Variants in SULT6B1 observed in about 807,000 individuals in gnomAD.
The protein encoded by SULT6B1 is sulfotransferase 6B1.
SULT6B1 carries 44 observed loss-of-function variants against 37.2 expected under a neutral mutation model. The ratio of observed to expected loss-of-function variants is 1.18; its 90% CI spans 0.93 to 1.52. SULT6B1 has a LOEUF of 1.52. Among genes scored for constraint, SULT6B1 ranks in the 40% most tolerant of loss-of-function variants. The pLI is 0.00. For synonymous variants in SULT6B1, 140 were observed against 126.0 expected, an observed-to-expected ratio of 1.11 and a Z score of -0.74; for missense variants, 450 against 361.0, an observed-to-expected ratio of 1.25 and a Z score of -2.00.
chr2:37,176,233 T>C, intron 4 of SULT6B1, among the ~76,000 whole-genome samples: 1 of 149,516 alleles, frequency 6.7e-6, no homozygotes, highest in East Asian at 2.0e-4. Flanking sequence ...CTAAAAACAG[T>C]GCCTGCTTCA....
intron 3 of SULT6B1, 139 bp from the exon 4 acceptor site, chr2:37,179,723 A>G (rs13401374): frequency 0.24 from 165,821 of 703,438 alleles, 25,400 homozygotes; most frequent in East Asian, 0.74. Flanking sequence ...ACAGTAGGAA[A>G]CTGAGGAACA....
chr2:37,170,563 G>T (rs1364496911), intron 6 of SULT6B1, among the ~76,000 whole-genome samples: 2 of 151,204 alleles, frequency 1.3e-5, no homozygotes, highest in African/African-American at 4.9e-5. Context: ...TGGGAGAGGA[G>T]TTTGAGACCA....
Position 37,179,586 on chromosome 2 carries a change from T to C in SULT6B1, c.403-2A>G, listed in dbSNP as rs762889089. The C allele has an allele frequency of 6.2e-7, 1 of 1,607,614 alleles. No individual in the cohort carries two copies. Among genetic ancestry groups the C allele is most frequent in the Non-Finnish European group, 8.5e-7 (1 of 1,178,822 alleles). On this transcript the variant is annotated splice_acceptor_variant, in intron 3 of 6. Coordinates refer to ENST00000535679, the MANE Select transcript of SULT6B1 (RefSeq NM_001367551.1). LOFTEE classifies it high-confidence loss of function. ...AGGGTTTCGAAATATCACCAATATC[T>C]AGGGAGCAAAAATTGAGTTAATTTA...
intron 6 of SULT6B1, 107 bp from the exon 7 acceptor site, chr2:37,168,172 T>C (rs773534977): frequency 3.5e-4 from 406 of 1,160,456 alleles, no homozygotes; most frequent in Non-Finnish European, 4.4e-4. Flanking sequence ...AATGGACACA[T>C]GGAAAAAAGC....
intron 2 of SULT6B1, 128 bp from the exon 3 acceptor site, chr2:37,183,642 T>C: frequency 3.1e-6 from 2 of 652,094 alleles, no homozygotes; most frequent in East Asian, 5.6e-5. Context: ...CTTCTCCTCC[T>C]CCTCCAATTT....
chr2:37,171,073 C>T (rs988718390), intron 6 of SULT6B1, among the ~76,000 whole-genome samples: 4 of 152,138 alleles, frequency 2.6e-5, no homozygotes, highest in Admixed American at 2.0e-4. Context: ...CCTGCCTTTA[C>T]TAAAAATACA....
At chr2:37,179,951 A>G (rs1400165093) in intron 3 of SULT6B1, among the ~76,000 whole-genome samples, 1 of 152,220 alleles carries the variant, frequency 6.6e-6, no homozygotes, top group East Asian at 1.9e-4. Context: ...GACGACAAAA[A>G]TAATGTTTTA....
Position 37,179,439 on chromosome 2 carries a change from CT to C in SULT6B1, c.529+18del. On this transcript the variant is annotated intron_variant, in intron 4 of 6. Transcript: ENST00000535679. The stretch of plus-strand genomic sequence containing the variant: ...GTCATCTGATCAAGTAAGAATAATT[CT>C]TTTACCAACAGCCATACCTTGTCCT... The C allele has an allele frequency of 1.9e-6, 3 of 1,612,268 alleles. No homozygotes were observed. The highest frequency in any genetic ancestry group is 2.5e-6 in the Non-Finnish European group (3 of 1,179,776).
chr2:37,172,691 A>G (rs576720086), intron 5 of SULT6B1, among the ~76,000 whole-genome samples: 1 of 151,976 alleles, frequency 6.6e-6, no homozygotes, highest in South Asian at 2.1e-4. Context: ...TATTTTTAGT[A>G]GAAACAGGGT....
upstream of SULT6B1, among the ~76,000 whole-genome samples, chr2:37,193,565 C>CA (rs1171019443): frequency 1.6e-3 from 91 of 56,552 alleles, 1 homozygote; most frequent in Middle Eastern, 8.9e-3. Flanking sequence ...AGACATTTAC[C>CA]AAAAAAAAAA....
chr2:37,172,669 G>C (rs982855737), intron 5 of SULT6B1, among the ~76,000 whole-genome samples: 1 of 150,518 alleles, frequency 6.6e-6, no homozygotes, highest in East Asian at 2.0e-4. Flanking sequence ...CACCACGCCT[G>C]GCTAATTTTT....
chr2:37,174,377 G>A (rs1378929639), intron 5 of SULT6B1, among the ~76,000 whole-genome samples: 2 of 151,474 alleles, frequency 1.3e-5, no homozygotes, highest in Non-Finnish European at 2.9e-5. Flanking sequence ...TGGTACTACA[G>A]GTACATGCCT....
chr2:37,183,017 T>C (rs531558841), intron 3 of SULT6B1, among the ~76,000 whole-genome samples: 13 of 152,298 alleles, frequency 8.5e-5, no homozygotes, highest in African/African-American at 3.1e-4. Flanking sequence ...AGATGCTGTC[T>C]CTATAAAAAT....
In SULT6B1 at chr2:37,168,044, T is replaced by C; in HGVS notation, c.803A>G (p.Asn268Ser). 2 of 1,595,168 alleles carry C rather than the reference T, an allele frequency of 1.3e-6. No individual in the cohort carries two copies. The highest frequency in any genetic ancestry group is 1.7e-6 in the Non-Finnish European group (2 of 1,175,410). Residue 268 changes from asparagine to serine, a missense_variant, in exon 7 of 7, where the codon AAT becomes AGT. Transcript: ENST00000535679. ...CTGGTTCTGAATTTCACTGAACAAA[T>C]TTTTCCAATCACCAACTTCACCTAC... ...FRKGEVGDWK[N>S]LFSEIQNQEM...
upstream of SULT6B1, among the ~76,000 whole-genome samples, chr2:37,188,913 T>A (rs1307997087): frequency 2.0e-5 from 3 of 152,214 alleles, no homozygotes; most frequent in African/African-American, 7.2e-5. Flanking sequence ...GAATGGAATA[T>A]CCTAATAGAA....
chr2:37,175,549 T>C (rs75842432), intron 4 of SULT6B1, among the ~76,000 whole-genome samples: 3,623 of 152,228 alleles, frequency 0.024, 66 homozygotes, highest in Middle Eastern at 0.058. Flanking sequence ...ACACATGAAA[T>C]CCGACAGAGA....
chr2:37,173,184 T>C (rs1038088504), intron 5 of SULT6B1, among the ~76,000 whole-genome samples: 2 of 152,170 alleles, frequency 1.3e-5, no homozygotes, highest in Non-Finnish European at 2.9e-5. Context: ...AAGAATGTAA[T>C]GTAAGACTGG....
intron 1 of SULT6B1, 127 bp downstream of exon 1, chr2:37,188,315 C>T (rs1310874725): frequency 1.4e-6 from 1 of 726,180 alleles, no homozygotes; most frequent in East Asian, 2.6e-5. Context: ...CACTGTGGCC[C>T]TCCTCCTCAC....
At chr2:37,191,324 A>G (rs1220946882), upstream of SULT6B1, 3 of 152,012 alleles carry the variant, frequency 2.0e-5, no homozygotes, top group African/African-American at 7.3e-5. Context: ...CACAAGGGCA[A>G]TAAATTTCCT....
Sources: gnomAD v4.1 joint callset for allele counts (sites outside exome capture counted in the v4.1 genomes callset) on GRCh38, gnomAD v4.1.1 for gene constraint, MANE v1.5 for transcripts, NCBI Gene and HGNC (gene_info 2026-07-23, HGNC 2026-07-21) for gene names.